The following NFATC1 variants were observed in gnomAD, a reference collection of about 807,000 sequenced individuals.
NFATC1 encodes the protein nuclear factor of activated T-cells, cytoplasmic 1.
A neutral mutation model predicts 76.0 loss-of-function variants in NFATC1; 22 were observed. The ratio of observed to expected loss-of-function variants is 0.29; its 90% CI spans 0.21 to 0.41. The LOEUF (loss-of-function observed/expected upper bound fraction) is 0.41. NFATC1 is among the 10% of genes least tolerant of loss of function. The probability of loss-of-function intolerance (pLI) is 1.00; values close to 1 mark genes in which losing one functional copy is unlikely to be tolerated. For synonymous variants in NFATC1, 704 were observed against 613.1 expected (o/e 1.15, Z -2.19); for missense variants, 1,357 against 1,337.7 (o/e 1.01, Z -0.23).
At chr18:79,526,234 C>T (rs1310030555) in intron 9 of NFATC1, among the ~76,000 whole-genome samples, 2 of 152,244 alleles carry the variant, frequency 1.3e-5, no homozygotes, top group Non-Finnish European at 2.9e-5. Context: ...TGTCGTTATC[C>T]TCCTTAGTGT....
chr18:79,469,379 A>G (rs2088680964), intron 8 of NFATC1: 2 of 985,454 alleles, frequency 2.0e-6, no homozygotes, highest in Non-Finnish European at 2.4e-6. Flanking sequence ...CAGATCACGT[A>G]TCTCAGAGGC....
intron 9 of NFATC1, among the ~76,000 whole-genome samples, chr18:79,499,574 ATGT>A (rs979746221): frequency 1.3e-5 from 2 of 152,266 alleles, no homozygotes; most frequent in Admixed American, 6.5e-5. Context: ...AAAAAGGTAG[ATGT>A]TGTCAGACTG....
At chr18:79,508,312 G>A (rs556485022) in intron 9 of NFATC1, among the ~76,000 whole-genome samples, 5 of 152,234 alleles carry the variant, frequency 3.3e-5, no homozygotes, top group East Asian at 3.9e-4. Flanking sequence ...AGAGGGTGCC[G>A]GGCAGGAGGA....
chr18:79,438,764 G>A lies in NFATC1; in HGVS notation c.1386+5026G>A, dbSNP rs139950743. 1.6e-4 allele frequency among the ~76,000 whole-genome samples: 25 copies of A among 152,332 alleles called. No homozygotes were observed. The East Asian group carries it at 4.6e-3, about 28-fold the overall frequency. On this transcript the variant is annotated intron_variant, in intron 3 of 9. Coordinates refer to ENST00000427363, the MANE Select transcript of NFATC1 (RefSeq NM_001278669.2). ...AGACTCAGAGTCAGGAGGCCAGACT[G>A]GCCCCAGGGAGGGCTCCTGGCCATA...
At chr18:79,416,709 G>A (rs2085888137) in intron 2 of NFATC1, among the ~76,000 whole-genome samples, 1 of 152,216 alleles carries the variant, frequency 6.6e-6, no homozygotes, top group South Asian at 2.1e-4. Flanking sequence ...GACTGCCACT[G>A]CGTCTCCCTG....
intron 8 of NFATC1, among the ~76,000 whole-genome samples, chr18:79,474,388 C>CATT (rs2088947720): frequency 7.1e-6 from 1 of 141,768 alleles, no homozygotes; most frequent in African/African-American, 2.7e-5. Context: ...TCACCGTCGA[C>CATT]GTAAACCTGA....
chr18:79,396,317 G>A lies in NFATC1; in HGVS notation c.93G>A (p.Pro31=), dbSNP rs2085001398. ...FGRGETLGPA[P]RAGGTMKSAE... ...GAGGAGAAACTTTGGGGCCCGCGCC[G>A]CGCGCCGGCGGCACCATGAAGTCAG... Residue 31 remains proline (P), a synonymous_variant, in exon 1 of 10, where the codon CCG becomes CCA. Transcript: ENST00000427363. The A allele has an allele frequency of 7.1e-7, 1 of 1,417,836 alleles. No homozygotes were observed. The highest frequency in any genetic ancestry group is 9.3e-7 in the Non-Finnish European group (1 of 1,071,072). The allele number at this position is 1,417,836 out of a possible 1,614,324, so 87.8% of individuals were successfully genotyped here. A position where few individuals can be genotyped will look rare whatever the true frequency, so the allele number is the denominator to read the frequency against.
intron 2 of NFATC1, among the ~76,000 whole-genome samples, chr18:79,413,571 T>C (rs62096876): frequency 0.13 from 20,513 of 152,270 alleles, 1,692 homozygotes; most frequent in Middle Eastern, 0.2. Flanking sequence ...TTGATCGCTC[T>C]GTAAAGACCC....
intron 1 of NFATC1, chr18:79,400,342 C>A: frequency 7.2e-7 from 1 of 1,394,160 alleles, no homozygotes; most frequent in Non-Finnish European, 9.4e-7. Context: ...AGAACCGAAC[C>A]CCTGGCGGCC....
intron 8 of NFATC1, among the ~76,000 whole-genome samples, chr18:79,475,299 G>A (rs1484850440): frequency 4.7e-5 from 7 of 147,976 alleles, no homozygotes; most frequent in African/African-American, 1.5e-4. Context: ...CACTGTCAAC[G>A]TTGTAAACCT....
chr18:79,400,537 C>T (rs1346940317), intron 1 of NFATC1: 4 of 1,299,522 alleles, frequency 3.1e-6, no homozygotes, highest in African/African-American at 3.1e-5. Flanking sequence ...TTGGGGGCGC[C>T]CAGGCCCCCT....
In NFATC1 at chr18:79,524,711, T is replaced by C. The variant is rs372747118; in HGVS notation, c.2783-2817T>C. 1.8e-4 allele frequency among the ~76,000 whole-genome samples: 27 copies of C among 152,162 alleles called. No individual in the cohort carries two copies. In the South Asian group the frequency reaches 4.8e-3, roughly 27 times the overall value. On this transcript the variant is annotated intron_variant, in intron 9 of 9. Transcript: ENST00000427363. The surrounding 1 kb of genome is among the most constrained non-coding windows in gnomAD (Gnocchi z 7.2). ...CCCAGGCAGAGAGAGCAAAGGAGGCTGTGGTGGCCCCCGACGGGAACCTGG... is the reference window on the plus strand; with the variant it reads ...CCCAGGCAGAGAGAGCAAAGGAGGCCGTGGTGGCCCCCGACGGGAACCTGG...
At chr18:79,476,042 TGGGATGAGAGGGC>T (rs2144994164) in intron 8 of NFATC1, among the ~76,000 whole-genome samples, 1 of 151,454 alleles carries the variant, frequency 6.6e-6, no homozygotes, top group Admixed American at 6.6e-5. Flanking sequence ...GAGCCTGAGA[TGGGATGAGAGGGC>T]GGGAAGGGGC....
intron 2 of NFATC1, among the ~76,000 whole-genome samples, chr18:79,432,431 G>A (rs957237493): frequency 3.3e-5 from 5 of 152,264 alleles, no homozygotes; most frequent in Admixed American, 6.5e-5. Context: ...ACAGCCGTTG[G>A]GCCCTGGACT....
intron 8 of NFATC1, among the ~76,000 whole-genome samples, chr18:79,472,363 G>A (rs1235124469): frequency 6.6e-6 from 1 of 152,142 alleles, no homozygotes. Context: ...CAAGGGATCC[G>A]CCTGATTGCA....
chr18:79,469,928 C>A (rs1358090720), intron 8 of NFATC1: 1 of 985,430 alleles, frequency 1.0e-6, no homozygotes, highest in Non-Finnish European at 1.2e-6. Flanking sequence ...CAGGCTGCCG[C>A]AGGGCGAGAT....
In NFATC1 at chr18:79,512,901, G is replaced by A. The variant is rs143179016; in HGVS notation, c.2783-14627G>A. ...TAGCCTTCCCGTGTGAATGTGGGGTGCTGCCTGCAGGGACGTCCTGACCGT... is the reference window on the plus strand; with the variant it reads ...TAGCCTTCCCGTGTGAATGTGGGGTACTGCCTGCAGGGACGTCCTGACCGT... On this transcript the variant is annotated intron_variant, in intron 9 of 9. Transcript: ENST00000427363. Among the ~76,000 whole-genome samples, 242 of 152,362 alleles carry A rather than the reference G, an allele frequency of 1.6e-3. 1 individual carries two copies. The highest frequency in any genetic ancestry group is 5.6e-3 in the African/African-American group (234 of 41,590).
At chr18:79,400,645 C>T (rs1255056637) in intron 1 of NFATC1, among the ~76,000 whole-genome samples, 1 of 149,658 alleles carries the variant, frequency 6.7e-6, no homozygotes, top group African/African-American at 2.5e-5. Flanking sequence ...GCGTCCTGGG[C>T]TCGGATGCGG....
At chr18:79,442,415 C>T (rs1365898845) in intron 3 of NFATC1, among the ~76,000 whole-genome samples, 1 of 152,248 alleles carries the variant, frequency 6.6e-6, no homozygotes, top group Non-Finnish European at 1.5e-5. Context: ...AGAGGGGCTC[C>T]TGCCGCGTGC....
Sources: gnomAD v4.1 joint callset for allele counts (sites outside exome capture counted in the v4.1 genomes callset) on GRCh38, gnomAD v4.1.1 for gene constraint, Gnocchi (gnomAD v3.1) non-coding constraint, MANE v1.5 for transcripts, NCBI Gene and HGNC (gene_info 2026-07-23, HGNC 2026-07-21) for gene names.